SEMA6D: variants seen among roughly 807,000 people sequenced by gnomAD.
SEMA6D encodes the protein semaphorin 6D.
In SEMA6D, 35 loss-of-function variants were observed where a neutral mutation model predicts 106.6. That is an observed-to-expected ratio of 0.33 (90% CI 0.25 to 0.44). The LOEUF (loss-of-function observed/expected upper bound fraction) is 0.44, where lower values mean the gene tolerates loss of function less well. SEMA6D is among the 20% of genes least tolerant of loss of function. SEMA6D has a pLI of 1.00. For synonymous variants in SEMA6D, 499 were observed against 487.7 expected (o/e 1.02, Z -0.31); for missense variants, 1,185 against 1,345.9 (o/e 0.88, Z 1.87).
At chr15:47,339,605 A>AG (rs2037726702) in intron 1 of SEMA6D, among the ~76,000 whole-genome samples, 1 of 152,222 alleles carries the variant, frequency 6.6e-6, no homozygotes, top group African/African-American at 2.4e-5. Flanking sequence ...GCAATGGCTC[A>AG]AGCCTGTAAT....
intron 1 of SEMA6D, among the ~76,000 whole-genome samples, chr15:47,238,296 A>C (rs1378222): frequency 0.99 from 150,615 of 152,186 alleles, 74,547 homozygotes; most frequent in Middle Eastern, 1. Context: ...CTACCTAATT[A>C]TCCAGGGCAC....
In SEMA6D at chr15:47,400,488, C is replaced by CA. The variant is rs375822492; in HGVS notation, c.-238-11890dup. On this transcript the variant is annotated intron_variant, in intron 1 of 19. Transcript: ENST00000558014. ...TGGGAGACGGAGAGAGACTCTGTCT[C>CA]AAAAAAAAAAAAAAATCCTTCCTAT... Among the ~76,000 whole-genome samples the CA allele has an allele frequency of 2.4e-3, 285 of 119,116 alleles. 4 individuals are homozygous for CA. The highest frequency in any genetic ancestry group is 0.013 in the South Asian group (46 of 3,472). 78.1% of individuals were successfully genotyped at this position (119,116 alleles called of 152,430 possible).
chr15:47,528,653 CT>C (rs1338647905), intron 3 of SEMA6D, among the ~76,000 whole-genome samples: 3 of 152,172 alleles, frequency 2.0e-5, no homozygotes, highest in African/African-American at 7.2e-5. Flanking sequence ...AGGAAAGGCC[CT>C]CCTTTAAGGT....
intron 1 of SEMA6D, among the ~76,000 whole-genome samples, chr15:47,378,223 A>G (rs1461000873): frequency 6.6e-6 from 1 of 152,226 alleles, no homozygotes; most frequent in Non-Finnish European, 1.5e-5. Context: ...AAGGCCAGGC[A>G]CGGTGGCTCA....
intron 4 of SEMA6D, among the ~76,000 whole-genome samples, chr15:47,699,593 C>T (rs918192997): frequency 3.3e-5 from 5 of 152,184 alleles, no homozygotes; most frequent in African/African-American, 1.2e-4. Flanking sequence ...AGGATAGTGG[C>T]TGTCTCTCCA....
At chr15:47,340,160 A>T (rs1272615686) in intron 1 of SEMA6D, among the ~76,000 whole-genome samples, 1 of 152,166 alleles carries the variant, frequency 6.6e-6, no homozygotes, top group African/African-American at 2.4e-5. Context: ...GGCTGCGTGG[A>T]TGGAGCAGAG....
chr15:47,626,628 G>A (rs577639634), intron 4 of SEMA6D, among the ~76,000 whole-genome samples: 2 of 152,268 alleles, frequency 1.3e-5, no homozygotes, highest in African/African-American at 2.4e-5. Flanking sequence ...CAGTGGGATT[G>A]TTATTGTTGC....
chr15:47,660,704 A>T (rs184867835), intron 4 of SEMA6D, among the ~76,000 whole-genome samples: 1 of 152,168 alleles, frequency 6.6e-6, no homozygotes, highest in Non-Finnish European at 1.5e-5. Flanking sequence ...GTTTATTTTA[A>T]AACTATTTTT....
intron 4 of SEMA6D, among the ~76,000 whole-genome samples, chr15:47,627,668 G>T (rs1348552663): frequency 6.6e-6 from 1 of 152,078 alleles, no homozygotes; most frequent in Non-Finnish European, 1.5e-5. Context: ...ACACACTCTT[G>T]TAAGAAATAG....
intron 2 of SEMA6D, among the ~76,000 whole-genome samples, chr15:47,443,377 T>A (rs1428862764): frequency 2.0e-5 from 3 of 152,086 alleles, no homozygotes; most frequent in African/African-American, 7.2e-5. Flanking sequence ...GGGCTACTAT[T>A]TAAATAGTCT....
intron 4 of SEMA6D, among the ~76,000 whole-genome samples, chr15:47,697,162 C>G (rs1427787475): frequency 6.6e-6 from 1 of 152,156 alleles, no homozygotes. Context: ...AGCTGCATTT[C>G]CCTTCAGTAG....
intron 3 of SEMA6D, among the ~76,000 whole-genome samples, chr15:47,534,591 A>G (rs1189038779): frequency 3.9e-5 from 6 of 152,226 alleles, no homozygotes; most frequent in African/African-American, 9.6e-5. Context: ...TATATTAAGT[A>G]TATGCCATTC....
intron 1 of SEMA6D, among the ~76,000 whole-genome samples, chr15:47,385,859 A>G (rs569790749): frequency 6.6e-6 from 1 of 152,346 alleles, no homozygotes; most frequent in African/African-American, 2.4e-5. Flanking sequence ...TTATTATGTT[A>G]GCAAGGAATT....
chr15:47,292,694 C>T (rs1279054617), intron 1 of SEMA6D, among the ~76,000 whole-genome samples: 3 of 152,130 alleles, frequency 2.0e-5, no homozygotes, highest in Non-Finnish European at 1.5e-5. Flanking sequence ...TAGCCTTGCA[C>T]CCTTTGAGTA....
intron 4 of SEMA6D, among the ~76,000 whole-genome samples, chr15:47,672,123 T>C (rs1047631006): frequency 6.6e-6 from 1 of 152,164 alleles, no homozygotes; most frequent in Non-Finnish European, 1.5e-5. Flanking sequence ...TTTATCTCCA[T>C]TTTACACATG....
chr15:47,303,334 C>T (rs2036098409), intron 1 of SEMA6D, among the ~76,000 whole-genome samples: 1 of 152,170 alleles, frequency 6.6e-6, no homozygotes, highest in East Asian at 1.9e-4. Context: ...TTGGATGCTA[C>T]ATTTCTAAAG....
chr15:47,768,948 G>A (rs1022893913), intron 18 of SEMA6D, among the ~76,000 whole-genome samples, 200 bp downstream of exon 18: 1 of 152,162 alleles, frequency 6.6e-6, no homozygotes, highest in Admixed American at 6.5e-5. Context: ...GTGGAAAGCT[G>A]TTGGAGAAAA....
intron 1 of SEMA6D, among the ~76,000 whole-genome samples, chr15:47,751,290 A>G (rs2081419433): frequency 6.6e-6 from 1 of 152,140 alleles, no homozygotes; most frequent in Non-Finnish European, 1.5e-5. Context: ...TTTATAATTG[A>G]TCTTCAATTA....
At chr15:47,265,207 T>C (rs1349214458) in intron 1 of SEMA6D, among the ~76,000 whole-genome samples, 3 of 151,982 alleles carry the variant, frequency 2.0e-5, no homozygotes, top group South Asian at 4.1e-4. Flanking sequence ...TCTTTAAATA[T>C]TGTGTATTAC....
Sources: gnomAD v4.1 joint callset for allele counts (sites outside exome capture counted in the v4.1 genomes callset) on GRCh38, gnomAD v4.1.1 for gene constraint, MANE v1.5 for transcripts, NCBI Gene and HGNC (gene_info 2026-07-23, HGNC 2026-07-21) for gene names.